BABAM2: variants seen among roughly 807,000 people sequenced by gnomAD.
The protein encoded by BABAM2 is BRISC and BRCA1-A complex member 2.
BABAM2 carries 31 observed loss-of-function variants against 54.7 expected under a neutral mutation model. The ratio of observed to expected loss-of-function variants is 0.57; its 90% CI spans 0.43 to 0.77. BABAM2 has a LOEUF of 0.77. Ranked by LOEUF, BABAM2 falls within the 30% of genes least tolerant of loss-of-function variation. The pLI is 0.00. For missense variants in BABAM2, 364 were observed against 455.8 expected (o/e 0.80, Z 1.83); for synonymous variants, 167 against 162.9 (o/e 1.03, Z -0.19).
chr2:28,308,761 A>G (rs1688788254), intron 11 of BABAM2: 1 of 190,372 alleles, frequency 5.3e-6, no homozygotes, highest in Admixed American at 5.7e-5. Context: ...TGCATGAGGC[A>G]ATGAAGAGCA....
chr2:27,913,207 A>G lies in BABAM2; in HGVS notation c.129-16625A>G, dbSNP rs74685856. 3.9e-4 allele frequency among the ~76,000 whole-genome samples: 60 copies of G among 152,344 alleles called. No individual in the cohort carries two copies. In the East Asian group the frequency reaches 9.4e-3, roughly 24 times the overall value. ...GCTTGACTCTTTTATTAGTAGATTC[A>G]TCAGATTTATTCTTACACATTGCTG... On this transcript the variant is annotated intron_variant, in intron 2 of 11. Transcript: ENST00000379624.
intron 4 of BABAM2, among the ~76,000 whole-genome samples, chr2:28,010,948 T>C (rs1402131673): frequency 6.6e-6 from 1 of 152,186 alleles, no homozygotes; most frequent in East Asian, 1.9e-4. Flanking sequence ...TCCCAGCTGA[T>C]GTCTTTGTTT....
intron 5 of BABAM2, among the ~76,000 whole-genome samples, chr2:28,042,800 C>T (rs1351560424): frequency 1.3e-5 from 2 of 151,818 alleles, no homozygotes; most frequent in Admixed American, 6.6e-5. Flanking sequence ...CGAGATGGGC[C>T]GATCACGAGG....
chr2:28,132,765 C>T (rs921460375), intron 7 of BABAM2, among the ~76,000 whole-genome samples: 4 of 152,108 alleles, frequency 2.6e-5, no homozygotes, highest in Non-Finnish European at 5.9e-5. Context: ...ATCTTATAAT[C>T]TATATTTATA....
At chr2:28,140,092 A>G (rs896196856) in intron 7 of BABAM2, among the ~76,000 whole-genome samples, 2 of 152,064 alleles carry the variant, frequency 1.3e-5, no homozygotes, top group Non-Finnish European at 2.9e-5. Flanking sequence ...TGCATCTCTC[A>G]GGCATATTTC....
chr2:28,146,082 C>T (rs1400276598), intron 7 of BABAM2, among the ~76,000 whole-genome samples: 1 of 152,170 alleles, frequency 6.6e-6, no homozygotes, highest in African/African-American at 2.4e-5. Context: ...ATTTTCAAAT[C>T]CCTTAGGAGA....
rs549933007 is a variant in BABAM2, at chr2:28,206,509, C to T, written c.681-30693C>T. Among the ~76,000 whole-genome samples, 316 of 152,164 alleles carry T rather than the reference C, an allele frequency of 2.1e-3. 3 individuals are homozygous for T. Among genetic ancestry groups the T allele is most frequent in the Non-Finnish European group, 3.1e-3 (208 of 67,998 alleles). On this transcript the variant is annotated intron_variant, in intron 7 of 11. Transcript: ENST00000379624. ...CTTTTCTGAGGCTTAGTTTTTCTTCCGGGTTCTTGATGGTGGTGATGATGT... is the reference window on the plus strand; with the variant it reads ...CTTTTCTGAGGCTTAGTTTTTCTTCTGGGTTCTTGATGGTGGTGATGATGT...
chr2:28,331,245 C>G (rs2148333395), intron 11 of BABAM2, among the ~76,000 whole-genome samples: 1 of 152,252 alleles, frequency 6.6e-6, no homozygotes, highest in East Asian at 1.9e-4. Flanking sequence ...CAATACCACT[C>G]AGGAAATAGG....
At chr2:27,949,349 A>G (rs1383630056) in intron 3 of BABAM2, among the ~76,000 whole-genome samples, 2 of 152,164 alleles carry the variant, frequency 1.3e-5, no homozygotes, top group East Asian at 1.9e-4. Context: ...GCTGGCCAAC[A>G]TGGTGAAATC....
intron 5 of BABAM2, among the ~76,000 whole-genome samples, chr2:28,038,514 TC>T (rs1157078793): frequency 6.6e-6 from 1 of 152,208 alleles, no homozygotes; most frequent in Non-Finnish European, 1.5e-5. Flanking sequence ...AGGAAGTTTT[TC>T]AGCTCTTGTC....
chr2:27,983,398 G>C (rs568039047), intron 3 of BABAM2, among the ~76,000 whole-genome samples: 7 of 152,036 alleles, frequency 4.6e-5, no homozygotes, highest in Non-Finnish European at 7.4e-5. Flanking sequence ...TTATAATTGA[G>C]AACGCCTGCA....
chr2:28,228,945 A>G (rs1573887609), intron 7 of BABAM2, among the ~76,000 whole-genome samples: 1 of 152,224 alleles, frequency 6.6e-6, no homozygotes, highest in East Asian at 1.9e-4. Context: ...CTCTGTTTGC[A>G]ATTACAATAG....
chr2:27,947,753 GT>G (rs1669407463), intron 3 of BABAM2, among the ~76,000 whole-genome samples: 1 of 152,088 alleles, frequency 6.6e-6, no homozygotes, highest in Admixed American at 6.6e-5. Context: ...TTATGTTCAG[GT>G]TTGTGATCCA....
chr2:28,049,982 G>A (rs560379150), intron 6 of BABAM2, among the ~76,000 whole-genome samples: 1 of 152,188 alleles, frequency 6.6e-6, no homozygotes, highest in Non-Finnish European at 1.5e-5. Flanking sequence ...TATTCACAGA[G>A]CCAGGCAAGT....
At chr2:28,166,625 G>GT (rs1343340900) in intron 7 of BABAM2, among the ~76,000 whole-genome samples, 1 of 152,044 alleles carries the variant, frequency 6.6e-6, no homozygotes, top group Non-Finnish European at 1.5e-5. Flanking sequence ...TACCCCTGAC[G>GT]TCCTCCCTTC....
intron 10 of BABAM2, among the ~76,000 whole-genome samples, chr2:28,281,517 C>T (rs1686359008): frequency 6.6e-6 from 1 of 152,158 alleles, no homozygotes; most frequent in African/African-American, 2.4e-5. Flanking sequence ...AGAATGGGAG[C>T]CTTTCCAGAG....
intron 6 of BABAM2, among the ~76,000 whole-genome samples, chr2:28,112,660 A>G (rs1668238524): frequency 6.6e-6 from 1 of 152,184 alleles, no homozygotes; most frequent in South Asian, 2.1e-4. Flanking sequence ...TAGTGCTGCA[A>G]TAAACATATG....
chr2:28,331,470 A>C (rs750898143), intron 11 of BABAM2, among the ~76,000 whole-genome samples: 2 of 152,212 alleles, frequency 1.3e-5, no homozygotes, highest in Non-Finnish European at 2.9e-5. Context: ...AAACAAATTT[A>C]TAGGAAAAAA....
At chr2:27,918,966 A>G (rs1222538654) in intron 2 of BABAM2, among the ~76,000 whole-genome samples, 1 of 152,222 alleles carries the variant, frequency 6.6e-6, no homozygotes, top group African/African-American at 2.4e-5. Flanking sequence ...CTAAGATTAC[A>G]GGCATGAGCC....
Sources: allele counts gnomAD v4.1 joint callset (sites outside exome capture counted in the v4.1 genomes callset), GRCh38; gene constraint gnomAD v4.1.1; transcripts MANE v1.5; gene names NCBI Gene and HGNC (gene_info 2026-07-23, HGNC 2026-07-21).